The following ZBTB16 variants were observed in gnomAD, a reference collection of about 807,000 sequenced individuals.
ZBTB16 encodes zinc finger and BTB domain-containing protein 16.
A neutral mutation model predicts 56.8 loss-of-function variants in ZBTB16; 8 were observed. The ratio of observed to expected loss-of-function variants is 0.14; its 90% CI spans 0.08 to 0.25. The LOEUF (loss-of-function observed/expected upper bound fraction) is 0.25, where lower values mean the gene tolerates loss of function less well. ZBTB16 is among the 10% of genes least tolerant of loss of function. The pLI is 1.00. For synonymous variants in ZBTB16, 363 were observed against 368.5 expected (o/e 0.98, Z 0.17); for missense variants, 625 against 903.0 (o/e 0.69, Z 3.95).
rs1359874178 is a variant in ZBTB16 at position 114,148,397 on chromosome 11, CT to C, written c.1269-7939del. Among the ~76,000 whole-genome samples, 3 of 24,742 alleles carry C rather than the reference CT, an allele frequency of 1.2e-4. No homozygotes were observed. In the East Asian group the frequency reaches 1.5e-3, roughly 13 times the overall value. The allele number at this position is 24,742 out of a possible 152,430, so 16.2% of individuals were successfully genotyped here. On this transcript the variant is annotated intron_variant, in intron 2 of 6. Coordinates refer to ENST00000335953, the MANE Select transcript of ZBTB16 (RefSeq NM_006006.6). ...CCTTCCTTCCTTCCTTCCTCCTTCC[CT>C]CCCTCCCTCCCTCCCTCCCTCCCTC...
intron 3 of ZBTB16, among the ~76,000 whole-genome samples, chr11:114,172,872 T>G (rs1943006795): frequency 6.6e-6 from 1 of 152,194 alleles, no homozygotes; most frequent in Non-Finnish European, 1.5e-5. Flanking sequence ...TTTTGGTTTG[T>G]TTTTTTCCGG....
intron 2 of ZBTB16, among the ~76,000 whole-genome samples, chr11:114,130,206 C>T (rs1941624080): frequency 6.6e-6 from 1 of 152,178 alleles, no homozygotes; most frequent in Admixed American, 6.5e-5. Context: ...GTGTCCTGAT[C>T]CCTGAGAAGA....
rs1944999820 is a variant in ZBTB16, at chr11:114,255,952, A to C, written c.*5397A>C. Among the ~76,000 whole-genome samples, 4 of 151,898 alleles carry C rather than the reference A, an allele frequency of 2.6e-5. No individual in the cohort carries two copies. Among genetic ancestry groups the C allele is most frequent in the Admixed American group, 2.6e-4 (4 of 15,264 alleles). ...TACCTTGAATCTGCAGTTAGAAGAG[A>C]ATAAAGTTAATTCAGTTGTCTCTCG... On this transcript the variant is annotated 3_prime_UTR_variant, in exon 7 of 7. Coordinates refer to ENST00000335953, the MANE Select transcript of ZBTB16 (RefSeq NM_006006.6).
chr11:114,235,629 C>CTTTCTTTCTTTCTTTCTTTCTTTCTTT (rs1944551537), intron 4 of ZBTB16, among the ~76,000 whole-genome samples: 3 of 97,794 alleles, frequency 3.1e-5, no homozygotes, highest in Admixed American at 1.1e-4. Flanking sequence ...CCTCTCCCTT[C>CTTTCTTTCTTTCTTTCTTTCTTTCTTT]CTTTCTTTCT....
At chr11:114,245,267 C>T (rs1157416624) in intron 5 of ZBTB16, among the ~76,000 whole-genome samples, 7 of 152,238 alleles carry the variant, frequency 4.6e-5, no homozygotes, top group East Asian at 1.9e-4. Flanking sequence ...GGCCCATCCC[C>T]AGATCTGCAG....
Position 114,250,583 on chromosome 11 carries a change from CG to C in ZBTB16, c.*32del. ...GGAGGCCCGCGGCGGTGGAGCCGAG[CG>C]GGGAGCCAGGAAAGAAGAGTTGGAG... On this transcript the variant is annotated 3_prime_UTR_variant, in exon 7 of 7. Transcript: ENST00000335953. This position sits in a 1 kb window ranked among gnomAD's most constrained non-coding sequence, Gnocchi z 6.0. 6.2e-7 allele frequency: 1 copy of C among 1,608,436 alleles called. No homozygotes were observed. Among genetic ancestry groups the C allele is most frequent in the Non-Finnish European group, 8.5e-7 (1 of 1,176,314 alleles).
chr11:114,250,627 T>A lies in ZBTB16; in HGVS notation c.*72T>A. 6.9e-7 allele frequency: 1 copy of A among 1,456,016 alleles called. No homozygotes were observed. The highest frequency in any genetic ancestry group is 9.4e-7 in the Non-Finnish European group (1 of 1,058,376). 90.2% of individuals were successfully genotyped at this position (1,456,016 alleles called of 1,614,324 possible). On this transcript the variant is annotated 3_prime_UTR_variant, in exon 7 of 7. Coordinates refer to ENST00000335953, the MANE Select transcript of ZBTB16 (RefSeq NM_006006.6). This position sits in a 1 kb window ranked among gnomAD's most constrained non-coding sequence, Gnocchi z 6.0. ...AGTTGGAGTGAGATGAAGGAAGGAC[T>A]ATGACAAATAAAAAAGGAAAAGAAA...
rs2135226768 is a variant in ZBTB16, at chr11:114,253,844, A to G, written c.*3289A>G. Among the ~76,000 whole-genome samples the G allele has an allele frequency of 6.6e-6, 1 of 152,252 alleles. No individual in the cohort carries two copies. Among genetic ancestry groups the G allele is most frequent in the African/African-American group, 2.4e-5 (1 of 41,548 alleles). On this transcript the variant is annotated 3_prime_UTR_variant, in exon 7 of 7. Transcript: ENST00000335953. The stretch of plus-strand genomic sequence containing the variant: ...TGTCTGGAGTTAAGGGGAGAGGAGG[A>G]GGGTAGACAGGGGTCTCTCCCCAGG...
intron 2 of ZBTB16, among the ~76,000 whole-genome samples, chr11:114,146,400 A>G (rs529246540): frequency 6.6e-6 from 1 of 152,080 alleles, no homozygotes; most frequent in Non-Finnish European, 1.5e-5. Flanking sequence ...CTGCCTGTTT[A>G]TAGGGGCAAG....
chr11:114,207,985 G>C (rs531803147), intron 4 of ZBTB16, among the ~76,000 whole-genome samples: 2 of 152,320 alleles, frequency 1.3e-5, no homozygotes, highest in East Asian at 1.9e-4. Flanking sequence ...CTGACCTCAG[G>C]TGATCCACCC....
At chr11:114,101,041 C>G (rs1940589936) in intron 2 of ZBTB16, among the ~76,000 whole-genome samples, 1 of 152,140 alleles carries the variant, frequency 6.6e-6, no homozygotes, top group African/African-American at 2.4e-5. Context: ...TACTCTGTTG[C>G]TCAGGCTGGA....
Position 114,063,713 on chromosome 11 carries a change from C to T in ZBTB16, c.413C>T (p.Ala138Val), listed in dbSNP as rs1219071581. The change falls in exon 2 of 7, where the codon GCC becomes GTC. Residue 138 changes from alanine to valine, a missense_variant. Transcript: ENST00000335953. This position sits in a 1 kb window ranked among gnomAD's most constrained non-coding sequence, Gnocchi z 6.5. The part of the protein sequence containing the change: ...SDDNDTEATM[A>V]DGGAEEEEDR... ...GACAATGACACGGAGGCCACCATGG[C>T]CGATGGCGGGGCCGAGGAAGAAGAG... The T allele has an allele frequency of 1.9e-6, 3 of 1,613,942 alleles. No individual in the cohort carries two copies. The highest frequency in any genetic ancestry group is 2.5e-6 in the Non-Finnish European group (3 of 1,180,058).
At chr11:114,150,937 G>C (rs764735391) in intron 2 of ZBTB16, among the ~76,000 whole-genome samples, 1 of 152,214 alleles carries the variant, frequency 6.6e-6, no homozygotes, top group East Asian at 1.9e-4. Context: ...GGTCCTGCTC[G>C]ACAGGACCAG....
intron 4 of ZBTB16, among the ~76,000 whole-genome samples, chr11:114,232,847 C>T (rs1050544400): frequency 7.2e-5 from 11 of 152,202 alleles, no homozygotes; most frequent in Non-Finnish European, 1.5e-4. Flanking sequence ...TCGCCCCCAG[C>T]GGGTGCTGCT....
intron 3 of ZBTB16, among the ~76,000 whole-genome samples, chr11:114,184,577 C>T (rs1489337324): frequency 1.3e-5 from 2 of 152,194 alleles, no homozygotes; most frequent in African/African-American, 4.8e-5. Context: ...AATCAGGCTG[C>T]CTGTGTTTGA....
chr11:114,198,553 G>T (rs992860857), intron 4 of ZBTB16, among the ~76,000 whole-genome samples: 1 of 152,068 alleles, frequency 6.6e-6, no homozygotes, highest in African/African-American at 2.4e-5. Flanking sequence ...TTCTGGAGGG[G>T]CCCCCGATAC....
intron 2 of ZBTB16, among the ~76,000 whole-genome samples, chr11:114,124,954 C>T (rs1022673483): frequency 6.6e-6 from 1 of 152,120 alleles, no homozygotes; most frequent in African/African-American, 2.4e-5. Context: ...TGCTCACTCT[C>T]TTGCTCTCCC....
In ZBTB16 at chr11:114,084,965, G is replaced by T. The variant is rs566800849; in HGVS notation, c.1268+20397G>T. On this transcript the variant is annotated intron_variant, in intron 2 of 6. Coordinates refer to ENST00000335953, the MANE Select transcript of ZBTB16 (RefSeq NM_006006.6). Reference sequence around the variant, plus strand: ...ACCTGTGGCATGTTCAATGATTGAGGACTCTTGTCCAGATTCCAAAAACCT... The same window carrying T: ...ACCTGTGGCATGTTCAATGATTGAGTACTCTTGTCCAGATTCCAAAAACCT... 9.8e-5 allele frequency among the ~76,000 whole-genome samples: 15 copies of T among 152,294 alleles called. No individual in the cohort carries two copies. The South Asian group carries it at 2.9e-3, about 29-fold the overall frequency.
chr11:114,197,387 G>A (rs1266374442), intron 4 of ZBTB16, among the ~76,000 whole-genome samples: 4 of 152,034 alleles, frequency 2.6e-5, no homozygotes, highest in South Asian at 2.1e-4. Context: ...GGTCCTCTTC[G>A]TTTCAGTGTG....
Sources: gnomAD v4.1 joint callset for allele counts (sites outside exome capture counted in the v4.1 genomes callset) on GRCh38, gnomAD v4.1.1 for gene constraint, Gnocchi (gnomAD v3.1) non-coding constraint, MANE v1.5 for transcripts, NCBI Gene and HGNC (gene_info 2026-07-23, HGNC 2026-07-21) for gene names.